Variants in ERBB4 observed in about 807,000 individuals in gnomAD.
The protein encoded by ERBB4 is erb-b2 receptor tyrosine kinase 4, also known as receptor tyrosine-protein kinase erbB-4.
Under a neutral mutation model 158.0 loss-of-function variants are expected in ERBB4, and 42 were observed. That is an observed-to-expected ratio of 0.27 (90% CI 0.21 to 0.34). ERBB4 has a LOEUF of 0.34. ERBB4 is among the 10% of genes least tolerant of loss of function. The pLI is 1.00. For missense variants in ERBB4, 1,333 were observed against 1,624.1 expected (o/e 0.82, Z 3.08); for synonymous variants, 583 against 558.7 (o/e 1.04, Z -0.61).
chr2:212,203,423 T>C lies in ERBB4; in HGVS notation c.83-78520A>G, dbSNP rs139703995. ...TTGAGTGAAGGAGAAGGCAGAGTAATAGGAGATGAGCTCAAGACACAATGA... is the reference window on the plus strand; with the variant it reads ...TTGAGTGAAGGAGAAGGCAGAGTAACAGGAGATGAGCTCAAGACACAATGA... On this transcript the variant is annotated intron_variant, in intron 1 of 27. Transcript: ENST00000342788. Among the ~76,000 whole-genome samples the C allele has an allele frequency of 2.0e-3, 308 of 152,138 alleles. 1 individual carries two copies. The highest frequency in any genetic ancestry group is 7.0e-3 in the African/African-American group (291 of 41,508).
intron 3 of ERBB4, among the ~76,000 whole-genome samples, chr2:211,860,626 T>TA (rs2077986469): frequency 6.6e-6 from 1 of 152,000 alleles, no homozygotes; most frequent in South Asian, 2.1e-4. Flanking sequence ...CTAGTACAAT[T>TA]AAAGTTTATT....
At chr2:212,317,416 C>G (rs1175962843) in intron 1 of ERBB4, among the ~76,000 whole-genome samples, 1 of 151,564 alleles carries the variant, frequency 6.6e-6, no homozygotes, top group Non-Finnish European at 1.5e-5. Flanking sequence ...ACTTGAACAG[C>G]TGGTTAAAAA....
chr2:211,881,682 C>A (rs554276197), intron 3 of ERBB4, among the ~76,000 whole-genome samples: 2 of 152,146 alleles, frequency 1.3e-5, no homozygotes, highest in South Asian at 2.1e-4. Flanking sequence ...GATCAGATAC[C>A]GCCCCTCCAC....
rs992528180 is a variant in ERBB4, at chr2:212,202,479, G to T, written c.83-77576C>A. Among the ~76,000 whole-genome samples the T allele has an allele frequency of 1.1e-4, 16 of 151,966 alleles. No homozygotes were observed. The East Asian group carries it at 2.9e-3, about 28-fold the overall frequency. ...TCCTCCTGTCTCAGCCTCCCAAGTAGCTGGGACTACAGGCATGAGCCACCA... is the reference window on the plus strand; with the variant it reads ...TCCTCCTGTCTCAGCCTCCCAAGTATCTGGGACTACAGGCATGAGCCACCA... On this transcript the variant is annotated intron_variant, in intron 1 of 27. Coordinates refer to ENST00000342788, the MANE Select transcript of ERBB4 (RefSeq NM_005235.3).
At chr2:211,523,081 T>C (rs1471580524) in intron 20 of ERBB4, among the ~76,000 whole-genome samples, 1 of 149,328 alleles carries the variant, frequency 6.7e-6, no homozygotes, top group African/African-American at 2.5e-5. Context: ...CTGGATAGAA[T>C]GAAAGGGGTA....
chr2:211,947,351 A>G, intron 3 of ERBB4, 79 bp downstream of exon 3: 1 of 1,181,220 alleles, frequency 8.5e-7, no homozygotes, highest in Non-Finnish European at 1.3e-6. Context: ...AATGTAACAA[A>G]TATGACAGTA....
At chr2:212,138,755 G>A (rs904949951) in intron 1 of ERBB4, among the ~76,000 whole-genome samples, 2 of 152,066 alleles carry the variant, frequency 1.3e-5, no homozygotes, top group Non-Finnish European at 2.9e-5. Context: ...AAAGGATAAG[G>A]AAAAATTGCT....
chr2:212,524,596 GTGATTTTCTCCTAGGCCTCACTCATA>G (rs1399896851), intron 1 of ERBB4, among the ~76,000 whole-genome samples: 2 of 151,876 alleles, frequency 1.3e-5, no homozygotes, highest in African/African-American at 2.4e-5. Flanking sequence ...AATTACATGG[GTGATTTTCTCCTAGGCCTCACTCATA>G]TGATTTTCTC....
chr2:211,853,390 G>A (rs1339798430), intron 3 of ERBB4, among the ~76,000 whole-genome samples: 1 of 151,928 alleles, frequency 6.6e-6, no homozygotes, highest in Non-Finnish European at 1.5e-5. Flanking sequence ...CAGTCATATG[G>A]TTCTGAAAAC....
intron 3 of ERBB4, among the ~76,000 whole-genome samples, chr2:211,928,834 T>C (rs578142207): frequency 3.9e-4 from 60 of 152,296 alleles, no homozygotes; most frequent in Middle Eastern, 3.4e-3. Flanking sequence ...ATTGAAAAGA[T>C]AGTTTTGCAG....
rs561236916 is a variant in ERBB4, at chr2:211,725,141, C to T, written c.676G>A (p.Val226Ile). 21 of 1,614,084 alleles carry T rather than the reference C, an allele frequency of 1.3e-5. No homozygotes were observed. The highest frequency in any genetic ancestry group is 1.7e-4 in the Middle Eastern group (1 of 6,060). The change falls in exon 6 of 28, where the codon GTC becomes ATC. Residue 226 changes from valine (V) to isoleucine (I), a missense_variant. Val to Ile is a conservative substitution (Grantham distance 29). Transcript: ENST00000342788. ...QCDGRCYGPY[V>I]SDCCHRECAG... ...CATTCTCGATGGCAGCAGTCACTGA[C>T]GTAAGGTCCGTAGCATCTGCCGTCA...
chr2:211,951,741 T>C (rs756793280), intron 2 of ERBB4, among the ~76,000 whole-genome samples: 6 of 152,090 alleles, frequency 3.9e-5, no homozygotes, highest in Non-Finnish European at 7.4e-5. Context: ...AAAATAAGTC[T>C]CTGTCATTAT....
Position 212,148,157 on chromosome 2 carries a change from T to A in ERBB4, c.83-23254A>T, listed in dbSNP as rs552573068. ...CAAAGAGTATTTTCTTTTTTTTTTTTATTCAGAGTGAAAAAGTACAATGGC... is the reference window on the plus strand; with the variant it reads ...CAAAGAGTATTTTCTTTTTTTTTTTAATTCAGAGTGAAAAAGTACAATGGC... On this transcript the variant is annotated intron_variant, in intron 1 of 27. Coordinates refer to ENST00000342788, the MANE Select transcript of ERBB4 (RefSeq NM_005235.3). Among the ~76,000 whole-genome samples the A allele has an allele frequency of 8.3e-4, 126 of 152,028 alleles. 1 individual carries two copies. Among genetic ancestry groups the A allele is most frequent in the Non-Finnish European group, 1.1e-3 (76 of 67,928 alleles).
At chr2:212,310,693 G>T (rs1332999609) in intron 1 of ERBB4, among the ~76,000 whole-genome samples, 1 of 147,170 alleles carries the variant, frequency 6.8e-6, no homozygotes, top group African/African-American at 2.5e-5. Flanking sequence ...CTAAAAATTG[G>T]GAGAAAAATT....
At chr2:211,734,436 G>C (rs1051978541) in intron 5 of ERBB4, among the ~76,000 whole-genome samples, 4 of 152,030 alleles carry the variant, frequency 2.6e-5, no homozygotes, top group Admixed American at 2.0e-4. Flanking sequence ...ATTCACATGT[G>C]ACCAAGCAGT....
intron 1 of ERBB4, among the ~76,000 whole-genome samples, chr2:212,398,719 C>A (rs1055261554): frequency 1.4e-4 from 21 of 151,840 alleles, no homozygotes; most frequent in Non-Finnish European, 2.6e-4. Context: ...TTACATGCCT[C>A]TACAATTTGA....
intron 1 of ERBB4, among the ~76,000 whole-genome samples, chr2:212,199,278 T>C (rs2082522928): frequency 6.6e-6 from 1 of 152,204 alleles, no homozygotes; most frequent in Non-Finnish European, 1.5e-5. Context: ...TTTCATATTG[T>C]TCTATTTATC....
chr2:211,555,431 C>T (rs971833241), intron 20 of ERBB4, among the ~76,000 whole-genome samples: 12 of 152,138 alleles, frequency 7.9e-5, no homozygotes, highest in South Asian at 2.1e-4. Flanking sequence ...GTGATCCATC[C>T]GCCTCGGCCT....
intron 1 of ERBB4, among the ~76,000 whole-genome samples, chr2:212,520,735 G>A (rs1246025637): frequency 4.0e-5 from 6 of 151,882 alleles, no homozygotes; most frequent in Non-Finnish European, 8.8e-5. Context: ...TCTAACCCAC[G>A]GACTGTAGGG....
Sources: allele counts gnomAD v4.1 joint callset (sites outside exome capture counted in the v4.1 genomes callset), GRCh38; gene constraint gnomAD v4.1.1; transcripts MANE v1.5; gene names NCBI Gene and HGNC (gene_info 2026-07-23, HGNC 2026-07-21).